The following PTPN2 variants were observed in gnomAD, a reference collection of about 807,000 sequenced individuals.
PTPN2 encodes the protein tyrosine-protein phosphatase non-receptor type 2.
Under a neutral mutation model 57.3 loss-of-function variants are expected in PTPN2, and 19 were observed. The observed-to-expected ratio is 0.33, with a 90% CI of 0.23 to 0.49. The LOEUF is 0.49. PTPN2 is among the 20% of genes least tolerant of loss of function. PTPN2 has a pLI of 0.99. For synonymous variants in PTPN2, 153 were observed against 164.9 expected, an observed-to-expected ratio of 0.93 and a Z score of 0.55; for missense variants, 358 against 501.1, an observed-to-expected ratio of 0.71 and a Z score of 2.73.
chr18:12,819,371 A>G (rs1170717185), intron 5 of PTPN2: 12 of 616,544 alleles, frequency 1.9e-5, no homozygotes, highest in Non-Finnish European at 2.7e-5. Flanking sequence ...TAATTATGGT[A>G]AGTGAACAAA....
intron 1 of PTPN2, among the ~76,000 whole-genome samples, chr18:12,879,700 G>A (rs1445406410): frequency 6.6e-6 from 1 of 152,234 alleles, no homozygotes; most frequent in African/African-American, 2.4e-5. Flanking sequence ...TAAGGGACCA[G>A]AGTTCCAGAC....
chr18:12,790,849 AT>A (rs141061151), downstream of PTPN2, among the ~76,000 whole-genome samples: 993 of 152,132 alleles, frequency 6.5e-3, 9 homozygotes, highest in African/African-American at 0.02. Flanking sequence ...TGATTAACAC[AT>A]TTTTTTTCTT....
intron 8 of PTPN2, among the ~76,000 whole-genome samples, chr18:12,794,849 C>T (rs2041109437): frequency 6.6e-6 from 1 of 152,144 alleles, no homozygotes; most frequent in Admixed American, 6.5e-5. Flanking sequence ...TCTTGAACTC[C>T]TGACCTCAAG....
chr18:12,797,901 A>AT (rs1365175128), intron 8 of PTPN2, among the ~76,000 whole-genome samples: 1 of 151,850 alleles, frequency 6.6e-6, no homozygotes, highest in Non-Finnish European at 1.5e-5. Context: ...GGATTTTTGT[A>AT]TTTTTTGTAG....
intron 1 of PTPN2, among the ~76,000 whole-genome samples, chr18:12,879,173 C>T (rs1486389194): frequency 6.6e-6 from 1 of 152,242 alleles, no homozygotes; most frequent in Non-Finnish European, 1.5e-5. Flanking sequence ...GGATCTCACT[C>T]TGTCACCTAG....
intron 5 of PTPN2, among the ~76,000 whole-genome samples, chr18:12,825,431 T>C (rs923668258): frequency 2.6e-5 from 4 of 152,002 alleles, no homozygotes; most frequent in Non-Finnish European, 5.9e-5. Context: ...CGTGGTAACC[T>C]CCATTTTACA....
chr18:12,807,943 G>A lies in PTPN2; in HGVS notation c.859-5792C>T, dbSNP rs569898244. On this transcript the variant is annotated intron_variant, in intron 7 of 8. Coordinates refer to ENST00000309660, the MANE Select transcript of PTPN2 (RefSeq NM_002828.4). The stretch of plus-strand genomic sequence containing the variant: ...TCATGCCTGCAATTCTAGCAGTTTG[G>A]GAGGCTAGGGCGGGCAGATCGCTTG... Among the ~76,000 whole-genome samples, 63 of 152,126 alleles carry A rather than the reference G, an allele frequency of 4.1e-4. 1 individual carries two copies. The highest frequency in any genetic ancestry group is 1.5e-3 in the African/African-American group (63 of 41,492).
chr18:12,845,760 C>G (rs1001064564), intron 2 of PTPN2, among the ~76,000 whole-genome samples: 2 of 152,138 alleles, frequency 1.3e-5, no homozygotes, highest in Non-Finnish European at 2.9e-5. Context: ...TTAAAACTTA[C>G]AGAAAAATTC....
intron 1 of PTPN2, among the ~76,000 whole-genome samples, chr18:12,882,213 C>A (rs1301767926): frequency 1.3e-5 from 2 of 152,210 alleles, no homozygotes; most frequent in Admixed American, 6.5e-5. Flanking sequence ...TACTGTAACA[C>A]CAGTGTGCAT....
chr18:12,881,426 G>T (rs2044664826), intron 1 of PTPN2, among the ~76,000 whole-genome samples: 1 of 151,786 alleles, frequency 6.6e-6, no homozygotes, highest in Non-Finnish European at 1.5e-5. Context: ...GACAGAGCGG[G>T]ACTCTGTCAA....
chr18:12,807,627 A>T lies in PTPN2; in HGVS notation c.859-5476T>A, dbSNP rs531917927. 3.5e-3 allele frequency among the ~76,000 whole-genome samples: 441 copies of T among 127,134 alleles called. 7 individuals carry two copies. The highest frequency in any genetic ancestry group is 8.2e-3 in the Middle Eastern group (2 of 244). The allele number at this position is 127,134 out of a possible 152,430, so 83.4% of individuals were successfully genotyped here. On this transcript the variant is annotated intron_variant, in intron 7 of 8. Transcript: ENST00000309660. Reference sequence around the variant, plus strand: ...TATAATATAATACTATTTGGCCATTAAAAAAAAAAGAAATCCTGTCTTTTG... The same window carrying T: ...TATAATATAATACTATTTGGCCATTTAAAAAAAAAGAAATCCTGTCTTTTG...
At chr18:12,874,397 G>A (rs535941791) in intron 1 of PTPN2, among the ~76,000 whole-genome samples, 63 of 147,244 alleles carry the variant, frequency 4.3e-4, no homozygotes, top group Middle Eastern at 3.8e-3. Context: ...AGCCCCTTCC[G>A]GGAGGGAGGT....
intron 5 of PTPN2, chr18:12,819,123 G>T: frequency 8.6e-6 from 4 of 464,716 alleles, no homozygotes; most frequent in Non-Finnish European, 1.4e-5. Flanking sequence ...CCATTTTGCA[G>T]TAGAAATTAA....
chr18:12,792,134 A>T, downstream of PTPN2: 1 of 775,448 alleles, frequency 1.3e-6, no homozygotes, highest in Non-Finnish European at 1.6e-6. Flanking sequence ...AGTAATACTG[A>T]ATCAGGACAC....
At chr18:12,843,242 G>T (rs2043105201) in intron 2 of PTPN2, among the ~76,000 whole-genome samples, 1 of 152,024 alleles carries the variant, frequency 6.6e-6, no homozygotes, top group South Asian at 2.1e-4. Context: ...GGCACTCAGG[G>T]GTCTGTTTTC....
chr18:12,814,111 G>C, intron 7 of PTPN2, 92 bp downstream of exon 7: 1 of 1,074,406 alleles, frequency 9.3e-7, no homozygotes, highest in East Asian at 2.6e-5. Context: ...TACACTCTTT[G>C]AAACAAAGAC....
At chr18:12,849,026 A>G (rs1429738568) in intron 2 of PTPN2, among the ~76,000 whole-genome samples, 2 of 152,256 alleles carry the variant, frequency 1.3e-5, no homozygotes, top group African/African-American at 2.4e-5. Context: ...AATGTTAAGT[A>G]TAAGTGGTAA....
intron 7 of PTPN2, among the ~76,000 whole-genome samples, chr18:12,807,568 G>GGAAAAAAAAAAAAAAAA (rs1491298104): frequency 2.4e-5 from 1 of 41,192 alleles, no homozygotes; most frequent in African/African-American, 6.9e-5. Context: ...AGAAAATGTG[G>GGAAAAAAAAAAAAAAAA]AAAAAAAAAA....
chr18:12,788,119 C>T (rs183599904), downstream of PTPN2: 16 of 154,852 alleles, frequency 1.0e-4, no homozygotes, highest in African/African-American at 3.6e-4. Context: ...TTTTTAACAG[C>T]AGAAATTTGA....
Sources: allele counts gnomAD v4.1 joint callset (sites outside exome capture counted in the v4.1 genomes callset), GRCh38; gene constraint gnomAD v4.1.1; transcripts MANE v1.5; gene names NCBI Gene and HGNC (gene_info 2026-07-23, HGNC 2026-07-21).